Variants in ATP10A observed in about 807,000 individuals in gnomAD.
The protein encoded by ATP10A is ATPase phospholipid transporting 10A (putative).
In ATP10A, 111 loss-of-function variants were observed where a neutral mutation model predicts 147.8. That is an observed-to-expected ratio of 0.75 (90% CI 0.64 to 0.88). The LOEUF is 0.88. Among genes scored for constraint, ATP10A ranks in the 40% least tolerant of loss-of-function variants. The pLI is 0.00. For synonymous variants in ATP10A, 875 were observed against 841.6 expected (o/e 1.04, Z -0.69); for missense variants, 1,927 against 1,959.0 (o/e 0.98, Z 0.31).
intron 1 of ATP10A, among the ~76,000 whole-genome samples, chr15:25,860,150 C>T (rs147516053): frequency 1.8e-4 from 28 of 152,264 alleles, no homozygotes; most frequent in Middle Eastern, 6.8e-3. Context: ...GGCTTCATGT[C>T]GATGCTTCAC....
At chr15:25,764,986 C>T (rs143916100) in intron 2 of ATP10A, among the ~76,000 whole-genome samples, 197 of 152,306 alleles carry the variant, frequency 1.3e-3, no homozygotes, top group Middle Eastern at 6.8e-3. Flanking sequence ...CCGGCTGAAG[C>T]GTTTGTCTGT....
chr15:25,707,928 C>T (rs1380086536), intron 12 of ATP10A, 48 bp downstream of exon 12: 21 of 1,601,054 alleles, frequency 1.3e-5, no homozygotes, highest in Non-Finnish European at 1.8e-5. Context: ...AGGGCCGTCC[C>T]TGCAAACTCC....
intron 15 of ATP10A, among the ~76,000 whole-genome samples, chr15:25,690,013 G>A (rs1214960417): frequency 1.3e-5 from 2 of 152,230 alleles, no homozygotes; most frequent in East Asian, 3.9e-4. Context: ...CAGAATGAAT[G>A]AACTATAGTT....
At chr15:25,801,690 G>A (rs944488306) in intron 1 of ATP10A, among the ~76,000 whole-genome samples, 3 of 152,178 alleles carry the variant, frequency 2.0e-5, no homozygotes, top group African/African-American at 4.8e-5. Context: ...CTCAAGCCCC[G>A]TGACGCTGAT....
intron 10 of ATP10A, among the ~76,000 whole-genome samples, chr15:25,713,176 G>A (rs962288594): frequency 6.6e-6 from 1 of 152,210 alleles, no homozygotes; most frequent in Non-Finnish European, 1.5e-5. Flanking sequence ...CACAGAGGGA[G>A]AGGTGGGTGG....
intron 13 of ATP10A, among the ~76,000 whole-genome samples, chr15:25,697,184 A>G (rs1900386172): frequency 6.6e-6 from 1 of 152,222 alleles, no homozygotes; most frequent in South Asian, 2.1e-4. Context: ...TCTGCAACAG[A>G]CTGCCACCCA....
intron 1 of ATP10A, among the ~76,000 whole-genome samples, chr15:25,803,535 C>T (rs998568352): frequency 2.2e-4 from 34 of 152,182 alleles, no homozygotes; most frequent in African/African-American, 7.2e-4. Flanking sequence ...TGTGTGAATC[C>T]GTATGAACCA....
chr15:25,676,368 G>A (rs529487947), downstream of ATP10A, among the ~76,000 whole-genome samples: 257 of 152,328 alleles, frequency 1.7e-3, 1 homozygote, highest in African/African-American at 5.9e-3. Context: ...GGCCTTGCTT[G>A]GCTTGGGCCA....
rs1040598992 is a variant in ATP10A at position 25,808,237 on chromosome 15, C to G, written c.450-27014G>C. On this transcript the variant is annotated intron_variant, in intron 1 of 20. Coordinates refer to ENST00000555815, the MANE Select transcript of ATP10A (RefSeq NM_024490.4). ...TTGTCAAGGTCTCATCATGGGTTTACTATCCTGCAGGGAATTTTAGATTAA... is the reference window on the plus strand; with the variant it reads ...TTGTCAAGGTCTCATCATGGGTTTAGTATCCTGCAGGGAATTTTAGATTAA... Among the ~76,000 whole-genome samples the G allele has an allele frequency of 1.1e-4, 16 of 152,160 alleles. 1 individual carries two copies. The highest frequency in any genetic ancestry group is 9.8e-4 in the Admixed American group (15 of 15,280).
chr15:25,773,366 T>A (rs1182704026), intron 2 of ATP10A, among the ~76,000 whole-genome samples: 1 of 152,136 alleles, frequency 6.6e-6, no homozygotes, highest in Non-Finnish European at 1.5e-5. Context: ...TGACAGGTCT[T>A]GCATTGTGCT....
intron 1 of ATP10A, among the ~76,000 whole-genome samples, chr15:25,838,879 G>C (rs549368688): frequency 6.6e-6 from 1 of 152,234 alleles, no homozygotes; most frequent in South Asian, 2.1e-4. Context: ...TTCCTATTGA[G>C]AGCTTCCTTG....
At chr15:25,676,502 T>C (rs1011613724), downstream of ATP10A, among the ~76,000 whole-genome samples, 2 of 152,198 alleles carry the variant, frequency 1.3e-5, no homozygotes, top group Non-Finnish European at 2.9e-5. Flanking sequence ...TCTCTCTAAC[T>C]CCTACACCCA....
rs370476350 is a variant in ATP10A, at chr15:25,773,617, A to G, written c.654+7402T>C. Among the ~76,000 whole-genome samples, 8 of 152,346 alleles carry G rather than the reference A, an allele frequency of 5.3e-5. No homozygotes were observed. In the South Asian group the frequency reaches 1.7e-3, roughly 32 times the overall value. ...CTCTTGCAGAGCAATCCACTTCTGC[A>G]ACACTATATCTTAGCCCAGGAGGGA... On this transcript the variant is annotated intron_variant, in intron 2 of 20. Transcript: ENST00000555815.
rs114396176 is a variant in ATP10A, at chr15:25,717,977, G to A, written c.1581+205C>T. On this transcript the variant is annotated intron_variant, in intron 8 of 20. Coordinates refer to ENST00000555815, the MANE Select transcript of ATP10A (RefSeq NM_024490.4). ...TGCCAGCAATCAACCAGCCTTAGAA[G>A]CCATGCAAAGGGGCCATGTCAGTGT... Among the ~76,000 whole-genome samples, 463 of 152,300 alleles carry A rather than the reference G, an allele frequency of 3.0e-3. 4 individuals carry two copies. Among genetic ancestry groups the A allele is most frequent in the African/African-American group, 0.011 (444 of 41,558 alleles).
Position 25,847,609 on chromosome 15 carries a change from CTTTTTTTTTTTTTTTTTTTTTTTTTT to C in ATP10A, c.449+15013_449+15038del, listed in dbSNP as rs34212354. ...CCTAGCTAATTCAAACAGCTACAGC[CTTTTTTTTTTTTTTTTTTTTTTTTTT>C]TTTTTTTTTTTTTTTGAGATAGAGT... On this transcript the variant is annotated intron_variant, in intron 1 of 20. Coordinates refer to ENST00000555815, the MANE Select transcript of ATP10A (RefSeq NM_024490.4). Among the ~76,000 whole-genome samples, 6 of 40,738 alleles carry C rather than the reference CTTTTTTTTTTTTTTTTTTTTTTTTTT, an allele frequency of 1.5e-4. 1 individual carries two copies. The highest frequency in any genetic ancestry group is 3.0e-4 in the African/African-American group (4 of 13,202). The allele number at this position is 40,738 out of a possible 152,430, so 26.7% of individuals were successfully genotyped here.
intron 3 of ATP10A, among the ~76,000 whole-genome samples, chr15:25,729,289 C>A (rs1384586467): frequency 6.6e-6 from 1 of 152,188 alleles, no homozygotes; most frequent in East Asian, 1.9e-4. Context: ...GAGTTCGAGA[C>A]CAGCCTGATC....
At chr15:25,713,250 G>T (rs1445032854) in intron 10 of ATP10A, among the ~76,000 whole-genome samples, 1 of 152,186 alleles carries the variant, frequency 6.6e-6, no homozygotes, top group Admixed American at 6.5e-5. Flanking sequence ...AGAGGGCAGT[G>T]GGGGAGGCCA....
intron 14 of ATP10A, among the ~76,000 whole-genome samples, chr15:25,693,550 GA>G (rs34992027): frequency 0.78 from 117,917 of 151,686 alleles, 46,159 homozygotes; most frequent in Non-Finnish European, 0.83. Flanking sequence ...TGCTCCCAGG[GA>G]AGGACGCTGA....
intron 2 of ATP10A, among the ~76,000 whole-genome samples, chr15:25,767,997 G>A (rs947416033): frequency 7.2e-5 from 11 of 152,220 alleles, no homozygotes; most frequent in East Asian, 1.9e-4. Context: ...GGGGTCCAAC[G>A]GGCGCACCAG....
Sources: gnomAD v4.1 joint callset for allele counts (sites outside exome capture counted in the v4.1 genomes callset) on GRCh38, gnomAD v4.1.1 for gene constraint, MANE v1.5 for transcripts, NCBI Gene and HGNC (gene_info 2026-07-23, HGNC 2026-07-21) for gene names.